Variants in KMO observed in about 807,000 individuals in gnomAD.
KMO encodes the protein kynurenine 3-monooxygenase, also known as kynurenine 3-hydroxylase.
A neutral mutation model predicts 57.8 loss-of-function variants in KMO; 24 were observed. The observed-to-expected ratio is 0.42, with a 90% CI of 0.30 to 0.58. The LOEUF (loss-of-function observed/expected upper bound fraction) is 0.58, where lower values mean the gene tolerates loss of function less well. KMO is among the 20% of genes least tolerant of loss of function. KMO has a pLI of 0.22. For synonymous variants in KMO, 210 were observed against 193.6 expected (o/e 1.08, Z -0.70); for missense variants, 483 against 588.2 (o/e 0.82, Z 1.85).
intron 10 of KMO, among the ~76,000 whole-genome samples, chr1:241,569,989 T>C (rs901497228): frequency 1.3e-5 from 2 of 151,956 alleles, no homozygotes; most frequent in Non-Finnish European, 2.9e-5. Flanking sequence ...TTTTATTATT[T>C]TATTATTTTA....
intron 8 of KMO, among the ~76,000 whole-genome samples, chr1:241,565,957 C>T (rs1662060470): frequency 6.6e-6 from 1 of 152,134 alleles, no homozygotes; most frequent in South Asian, 2.1e-4. Context: ...GTAATCCCAG[C>T]ACTTTGGGAG....
At chr1:241,566,970 T>C (rs1248571843) in intron 9 of KMO, among the ~76,000 whole-genome samples, 1 of 152,184 alleles carries the variant, frequency 6.6e-6, no homozygotes, top group Non-Finnish European at 1.5e-5. Context: ...TCCGGCAGCC[T>C]CAGATCTTGG....
chr1:241,582,315 G>A (rs1187008258), intron 10 of KMO, among the ~76,000 whole-genome samples: 1 of 151,962 alleles, frequency 6.6e-6, no homozygotes, highest in Non-Finnish European at 1.5e-5. Context: ...CTTTCTCTAG[G>A]TTTGGGAAGT....
intron 7 of KMO, among the ~76,000 whole-genome samples, chr1:241,562,918 A>AAGGAAG (rs1661924766): frequency 4.0e-5 from 1 of 25,288 alleles, no homozygotes; most frequent in African/African-American, 1.8e-4. Flanking sequence ...AAGGAAGGAA[A>AAGGAAG]GAAGGAAGGA....
At position 241,593,047 on chromosome 1, in the gene KMO, T is replaced by G. The variant is rs1663376678; in HGVS notation, c.*894T>G. On this transcript the variant is annotated 3_prime_UTR_variant, in exon 15 of 15. Transcript: ENST00000366559. ...ACCTCAGCCTCCCAAAGTACAGGGA[T>G]TAGAGTTGTGAGCCACCGCTGCCAG... The G allele has an allele frequency of 5.3e-6, 1 of 187,510 alleles. No individual in the cohort carries two copies. The allele number at this position is 187,510 out of a possible 1,614,324, so 11.6% of individuals were successfully genotyped here.
intron 1 of KMO, among the ~76,000 whole-genome samples, chr1:241,538,973 CTCTA>C (rs1285539875): frequency 6.6e-6 from 1 of 152,156 alleles, no homozygotes; most frequent in East Asian, 1.9e-4. Flanking sequence ...TCGTCTAGTC[CTCTA>C]TCTGTCTACT....
chr1:241,544,242 C>A (rs12044137), intron 1 of KMO, among the ~76,000 whole-genome samples: 3,171 of 152,268 alleles, frequency 0.021, 95 homozygotes, highest in East Asian at 0.061. Flanking sequence ...TACCTGTTTT[C>A]TCAGTAAGAG....
intron 9 of KMO, 93 bp downstream of exon 9, chr1:241,566,705 C>T (rs998915950): frequency 1.4e-5 from 19 of 1,328,330 alleles, no homozygotes; most frequent in East Asian, 1.4e-4. Flanking sequence ...GGGTTAAACA[C>T]GATGGATCAT....
intron 4 of KMO, among the ~76,000 whole-genome samples, chr1:241,554,227 T>TTTCCTGCCTTCC (rs1553347336): frequency 7.6e-6 from 1 of 132,036 alleles, no homozygotes; most frequent in Non-Finnish European, 1.6e-5. Flanking sequence ...AATACTTTTC[T>TTTCCTGCCTTCC]TTCCTTCCTT....
At chr1:241,565,211 G>GA (rs1173216564) in intron 8 of KMO, among the ~76,000 whole-genome samples, 153 bp downstream of exon 8, 1 of 152,070 alleles carries the variant, frequency 6.6e-6, no homozygotes, top group Non-Finnish European at 1.5e-5. Context: ...GATTACTGAG[G>GA]AAAAATCTGA....
chr1:241,569,328 C>A (rs546978248), intron 10 of KMO, among the ~76,000 whole-genome samples: 1 of 151,178 alleles, frequency 6.6e-6, no homozygotes, highest in Non-Finnish European at 1.5e-5. Flanking sequence ...CACCCTACTA[C>A]CATTCCCAGT....
intron 2 of KMO, 142 bp downstream of exon 2, chr1:241,549,040 A>C: frequency 1.8e-6 from 1 of 567,332 alleles, no homozygotes; most frequent in South Asian, 1.9e-5. Flanking sequence ...CTCTACAAAA[A>C]ATACAAAAAT....
intron 10 of KMO, among the ~76,000 whole-genome samples, chr1:241,576,235 G>A (rs1017395085): frequency 1.3e-5 from 2 of 151,934 alleles, no homozygotes; most frequent in Admixed American, 6.6e-5. Context: ...TATTTTTTAA[G>A]AGGAGCATTT....
intron 10 of KMO, among the ~76,000 whole-genome samples, chr1:241,583,977 T>A (rs927120054): frequency 2.0e-5 from 3 of 152,184 alleles, no homozygotes; most frequent in Non-Finnish European, 2.9e-5. Flanking sequence ...ATTTACTTAT[T>A]TATTTTTCTT....
At chr1:241,549,806 T>A in intron 3 of KMO, 32 bp downstream of exon 3, 1 of 1,293,064 alleles carries the variant, frequency 7.7e-7, no homozygotes, top group Non-Finnish European at 1.1e-6. Flanking sequence ...CAGAAGATAA[T>A]ACCTGGTATT....
intron 10 of KMO, among the ~76,000 whole-genome samples, chr1:241,580,159 GC>G (rs1372136569): frequency 6.6e-6 from 1 of 152,152 alleles, no homozygotes; most frequent in African/African-American, 2.4e-5. Context: ...GGTTGCAGCA[GC>G]CTATCTCTTC....
intron 7 of KMO, among the ~76,000 whole-genome samples, chr1:241,564,744 C>T (rs1662011857): frequency 6.6e-6 from 1 of 152,020 alleles, no homozygotes; most frequent in Non-Finnish European, 1.5e-5. Flanking sequence ...TATACACACA[C>T]ACGCACGTAT....
intron 9 of KMO, 31 bp downstream of exon 9, chr1:241,566,643 T>C (rs746122090): frequency 4.2e-5 from 67 of 1,610,878 alleles, no homozygotes; most frequent in Non-Finnish European, 5.6e-5. Flanking sequence ...TTTGCTCCAT[T>C]TGTTTTAATT....
At chr1:241,552,199 AAAGAGC>A (rs1661432358) in intron 4 of KMO, among the ~76,000 whole-genome samples, 2 of 46,094 alleles carry the variant, frequency 4.3e-5, no homozygotes, top group Non-Finnish European at 9.4e-5. Context: ...AGAGAGAGAG[AAAGAGC>A]GTGCATACAT....
Sources: gnomAD v4.1 joint callset for allele counts (sites outside exome capture counted in the v4.1 genomes callset) on GRCh38, gnomAD v4.1.1 for gene constraint, MANE v1.5 for transcripts, NCBI Gene and HGNC (gene_info 2026-07-23, HGNC 2026-07-21) for gene names.